Variants in RBFOX1 observed in about 807,000 individuals in gnomAD.
RBFOX1 encodes the protein RNA binding protein fox-1 homolog 1.
Under a neutral mutation model 57.7 loss-of-function variants are expected in RBFOX1, and 8 were observed. The observed-to-expected ratio is 0.14, with a 90% CI of 0.08 to 0.25. The LOEUF is 0.25. Among genes scored for constraint, RBFOX1 ranks in the 10% least tolerant of loss-of-function variants. The probability of loss-of-function intolerance (pLI) is 1.00; values close to 1 mark genes in which losing one functional copy is unlikely to be tolerated. For synonymous variants in RBFOX1, 326 were observed against 222.4 expected (o/e 1.47, Z -4.15); for missense variants, 611 against 548.5 (o/e 1.11, Z -1.14).
intron 4 of RBFOX1, among the ~76,000 whole-genome samples, chr16:5,919,487 C>T (rs1168795853): frequency 2.0e-5 from 3 of 152,076 alleles, no homozygotes; most frequent in East Asian, 1.9e-4. Flanking sequence ...GGAGTACAGG[C>T]ATGTGCTGCC....
chr16:6,295,561 C>T (rs975798615), intron 1 of RBFOX1, among the ~76,000 whole-genome samples: 1 of 152,182 alleles, frequency 6.6e-6, no homozygotes, highest in African/African-American at 2.4e-5. Context: ...TTCCAATACA[C>T]CAATGAGAGA....
chr16:5,853,836 G>C (rs4338804), intron 3 of RBFOX1, among the ~76,000 whole-genome samples: 17,339 of 152,114 alleles, frequency 0.11, 1,297 homozygotes, highest in African/African-American at 0.21. Context: ...ACTCACTGCA[G>C]CCTTGAACTC....
intron 4 of RBFOX1, among the ~76,000 whole-genome samples, chr16:5,998,795 G>C (rs2060535470): frequency 3.3e-5 from 5 of 152,080 alleles, no homozygotes; most frequent in Non-Finnish European, 1.5e-5. Flanking sequence ...GCATCTTCTT[G>C]GCACCCACAT....
chr16:7,324,497 A>AT (rs1406514936), intron 4 of RBFOX1, among the ~76,000 whole-genome samples: 1 of 152,180 alleles, frequency 6.6e-6, no homozygotes, highest in African/African-American at 2.4e-5. Flanking sequence ...AGGTCAACAA[A>AT]TTCTCAAACC....
intron 4 of RBFOX1, among the ~76,000 whole-genome samples, chr16:7,139,176 C>CTGTGTGTGTG (rs1388063094): frequency 0.031 from 4,509 of 145,872 alleles, 130 homozygotes; most frequent in East Asian, 0.14. Flanking sequence ...CAATCTCTCT[C>CTGTGTGTGTG]TGTGTGTGTG....
intron 9 of RBFOX1, among the ~76,000 whole-genome samples, chr16:7,598,292 T>C (rs937743695): frequency 1.6e-4 from 24 of 151,898 alleles, no homozygotes; most frequent in African/African-American, 5.3e-4. Context: ...AATTAAAAAA[T>C]TGACATAAAT....
intron 3 of RBFOX1, among the ~76,000 whole-genome samples, chr16:6,841,986 A>C (rs922552295): frequency 2.7e-5 from 4 of 148,154 alleles, no homozygotes; most frequent in Non-Finnish European, 5.9e-5. Context: ...AAAAAAAAAT[A>C]CAAAAAATTA....
At chr16:6,425,603 A>G (rs1430814533) in intron 2 of RBFOX1, among the ~76,000 whole-genome samples, 1 of 149,086 alleles carries the variant, frequency 6.7e-6, no homozygotes, top group Admixed American at 6.7e-5. Context: ...GTTTATCACT[A>G]TTTTTTTTTT....
intron 2 of RBFOX1, among the ~76,000 whole-genome samples, chr16:5,551,969 C>G (rs1339880162): frequency 6.6e-6 from 1 of 152,138 alleles, no homozygotes; most frequent in Non-Finnish European, 1.5e-5. Flanking sequence ...AGGACATGAA[C>G]TCATTCTTTT....
At chr16:6,364,690 G>C (rs935708385) in intron 2 of RBFOX1, among the ~76,000 whole-genome samples, 3 of 152,148 alleles carry the variant, frequency 2.0e-5, no homozygotes, top group Non-Finnish European at 4.4e-5. Context: ...ATATCTGAAA[G>C]GGAAACATCT....
intron 2 of RBFOX1, among the ~76,000 whole-genome samples, chr16:5,578,844 CTTTTTT>C (rs57387602): frequency 1.4e-4 from 15 of 109,074 alleles, no homozygotes; most frequent in Admixed American, 5.6e-4. Context: ...CACACACACC[CTTTTTT>C]TTTTTTTTTT....
At chr16:5,677,984 G>GT in intron 3 of RBFOX1, among the ~76,000 whole-genome samples, 1 of 152,328 alleles carries the variant, frequency 6.6e-6, no homozygotes, top group East Asian at 1.9e-4. Context: ...GTGGAGCACC[G>GT]TGGGGCTCTG....
rs543188010 is a variant in RBFOX1, at chr16:6,260,770, A to G, written c.-126-56225A>G. Reference sequence around the variant, plus strand: ...GTTGTGCACACCTGTAATCTCAGCTACTCCAGGGGCTGAGGCAAGAGAATC... The same window carrying G: ...GTTGTGCACACCTGTAATCTCAGCTGCTCCAGGGGCTGAGGCAAGAGAATC... On this transcript the variant is annotated intron_variant, in intron 1 of 15. Transcript: ENST00000550418. Among the ~76,000 whole-genome samples, 5 of 152,008 alleles carry G rather than the reference A, an allele frequency of 3.3e-5. No homozygotes were observed. In the South Asian group the frequency reaches 1.0e-3, roughly 32 times the overall value.
intron 4 of RBFOX1, among the ~76,000 whole-genome samples, chr16:7,473,202 A>G (rs2061916532): frequency 6.6e-6 from 1 of 151,922 alleles, no homozygotes; most frequent in Non-Finnish European, 1.5e-5. Flanking sequence ...GCATGGCAAA[A>G]CGCCATTTCT....
chr16:7,051,088 T>C (rs2049914808), intron 3 of RBFOX1, among the ~76,000 whole-genome samples: 1 of 152,196 alleles, frequency 6.6e-6, no homozygotes, highest in African/African-American at 2.4e-5. Flanking sequence ...TACAGTATAT[T>C]GTCTGGTCCT....
At chr16:7,504,773 A>ATATATATATATTTATATATATATATATT (rs1567554954) in intron 4 of RBFOX1, among the ~76,000 whole-genome samples, 1 of 9,406 alleles carries the variant, frequency 1.1e-4, no homozygotes. Context: ...ATATATATTT[A>ATATATATATATTTATATATATATATATT]TATATATATA....
chr16:6,510,850 C>G (rs74249657), intron 2 of RBFOX1, among the ~76,000 whole-genome samples: 1 of 149,696 alleles, frequency 6.7e-6, no homozygotes, highest in Non-Finnish European at 1.5e-5. Context: ...TAGTGCTGCA[C>G]CCTTAAAAAA....
intron 4 of RBFOX1, among the ~76,000 whole-genome samples, chr16:7,425,163 A>G (rs1274141700): frequency 2.0e-5 from 3 of 152,224 alleles, no homozygotes; most frequent in Non-Finnish European, 4.4e-5. Flanking sequence ...AAAAAATGTG[A>G]AAATTATGTT....
At chr16:7,564,472 C>T (rs149579013) in intron 5 of RBFOX1, among the ~76,000 whole-genome samples, 368 of 137,254 alleles carry the variant, frequency 2.7e-3, no homozygotes, top group African/African-American at 9.7e-3. Flanking sequence ...TCCTGGGAGG[C>T]GGAGCTTGCA....
Sources: gnomAD v4.1 joint callset for allele counts (sites outside exome capture counted in the v4.1 genomes callset) on GRCh38, gnomAD v4.1.1 for gene constraint, MANE v1.5 for transcripts, NCBI Gene and HGNC (gene_info 2026-07-23, HGNC 2026-07-21) for gene names.